KCNIP4: variants seen among roughly 807,000 people sequenced by gnomAD.
KCNIP4 encodes the protein potassium voltage-gated channel interacting protein 4, also known as Kv channel-interacting protein 4.
KCNIP4 carries 12 observed loss-of-function variants against 34.0 expected under a neutral mutation model. That is an observed-to-expected ratio of 0.35 (90% CI 0.23 to 0.57). KCNIP4 has a LOEUF of 0.57. Ranked by LOEUF, KCNIP4 falls within the 20% of genes least tolerant of loss-of-function variation. KCNIP4 has a pLI of 0.83. For missense variants in KCNIP4, 238 were observed against 311.7 expected (o/e 0.76, Z 1.78); for synonymous variants, 124 against 102.2 (o/e 1.21, Z -1.29).
At chr4:21,468,198 A>G (rs1730156506) in intron 1 of KCNIP4, among the ~76,000 whole-genome samples, 1 of 152,202 alleles carries the variant, frequency 6.6e-6, no homozygotes. Flanking sequence ...ACTAGGATGA[A>G]GGAGAATGAT....
rs1738255158 is a variant in KCNIP4, at chr4:21,547,747, T to C, written c.61+400824A>G. Among the ~76,000 whole-genome samples the C allele has an allele frequency of 2.0e-5, 3 of 152,224 alleles. No individual in the cohort carries two copies. In the South Asian group the frequency reaches 6.2e-4, roughly 32 times the overall value. On this transcript the variant is annotated intron_variant, in intron 1 of 8. Coordinates refer to ENST00000382152, the MANE Select transcript of KCNIP4 (RefSeq NM_025221.6). Reference sequence around the variant, plus strand: ...TTTTAGATTTCAGATTTTTTTTGGATTTTGGAATATTTGCATACGTATTTG... The same window carrying C: ...TTTTAGATTTCAGATTTTTTTTGGACTTTGGAATATTTGCATACGTATTTG...
chr4:21,322,640 T>C (rs1038091605), intron 1 of KCNIP4, among the ~76,000 whole-genome samples: 39 of 152,216 alleles, frequency 2.6e-4, no homozygotes, highest in African/African-American at 9.1e-4. Flanking sequence ...TTCTACTGTA[T>C]AAATGGTGAC....
chr4:21,287,619 C>A (rs752546827), intron 1 of KCNIP4, among the ~76,000 whole-genome samples: 10 of 152,136 alleles, frequency 6.6e-5, no homozygotes, highest in African/African-American at 2.2e-4. Flanking sequence ...TAGTTACTTA[C>A]GTAAGGAAGT....
At chr4:21,865,478 G>A (rs1725358317) in intron 1 of KCNIP4, among the ~76,000 whole-genome samples, 2 of 152,088 alleles carry the variant, frequency 1.3e-5, no homozygotes, top group African/African-American at 4.8e-5. Flanking sequence ...TCATAATGTT[G>A]TACTGATTTC....
intron 2 of KCNIP4, among the ~76,000 whole-genome samples, chr4:20,881,865 C>T (rs967833140): frequency 1.3e-5 from 2 of 152,142 alleles, no homozygotes; most frequent in African/African-American, 4.8e-5. Flanking sequence ...TCAGTTGAGG[C>T]TTCCTGAAGA....
chr4:21,215,037 G>A (rs1238918499), intron 1 of KCNIP4, among the ~76,000 whole-genome samples: 5 of 152,098 alleles, frequency 3.3e-5, no homozygotes, highest in Admixed American at 1.3e-4. Flanking sequence ...CTACTGAATC[G>A]TAACAGCACT....
intron 1 of KCNIP4, among the ~76,000 whole-genome samples, chr4:21,803,935 A>T (rs1478185480): frequency 6.6e-6 from 1 of 152,212 alleles, no homozygotes; most frequent in African/African-American, 2.4e-5. Context: ...GATCACGGGG[A>T]ATAGATCAGC....
intron 1 of KCNIP4, among the ~76,000 whole-genome samples, chr4:21,647,863 C>CTTTTTTTTTTTTT (rs10539950): frequency 3.3e-5 from 2 of 60,178 alleles, no homozygotes; most frequent in African/African-American, 2.0e-4. Flanking sequence ...TACAATGATG[C>CTTTTTTTTTTTTT]TTTTTTTTTT....
chr4:21,865,127 T>A (rs1469327022), intron 1 of KCNIP4, among the ~76,000 whole-genome samples: 3 of 151,830 alleles, frequency 2.0e-5, no homozygotes, highest in South Asian at 2.1e-4. Context: ...AGTCAAATTT[T>A]AAAAAAAAGC....
chr4:21,237,910 G>C (rs1294869540), intron 1 of KCNIP4, among the ~76,000 whole-genome samples: 1 of 152,124 alleles, frequency 6.6e-6, no homozygotes, highest in Non-Finnish European at 1.5e-5. Context: ...ACCAAAGCCT[G>C]GCAGAGATAC....
chr4:21,884,842 T>C lies in KCNIP4; in HGVS notation c.61+63729A>G, dbSNP rs138607975. Among the ~76,000 whole-genome samples, 1,159 of 152,186 alleles carry C rather than the reference T, an allele frequency of 7.6e-3. 4 individuals carry two copies. The highest frequency in any genetic ancestry group is 0.011 in the Non-Finnish European group (780 of 67,990). ...TGATGTCACCACCACAGTCACTGCC[T>C]TCCCTCTTCCTGAAACTCTCTACCA... On this transcript the variant is annotated intron_variant, in intron 1 of 8. Coordinates refer to ENST00000382152, the MANE Select transcript of KCNIP4 (RefSeq NM_025221.6).
At chr4:21,935,337 T>C (rs374484771) in intron 1 of KCNIP4, among the ~76,000 whole-genome samples, 1 of 152,108 alleles carries the variant, frequency 6.6e-6, no homozygotes, top group African/African-American at 2.4e-5. Flanking sequence ...TCACTTTGAT[T>C]ATGCCATTAT....
chr4:21,569,418 T>C (rs760347015), intron 1 of KCNIP4, among the ~76,000 whole-genome samples: 29 of 151,822 alleles, frequency 1.9e-4, no homozygotes, highest in Admixed American at 3.9e-4. Context: ...ATAAAGAAAG[T>C]ACAGAACTTT....
intron 1 of KCNIP4, among the ~76,000 whole-genome samples, chr4:21,141,581 T>G (rs999185540): frequency 3.3e-5 from 5 of 152,192 alleles, no homozygotes; most frequent in Non-Finnish European, 7.4e-5. Context: ...TGATTTTATG[T>G]AGAAACATGT....
At chr4:21,863,871 A>G (rs1279202124) in intron 1 of KCNIP4, among the ~76,000 whole-genome samples, 2 of 152,208 alleles carry the variant, frequency 1.3e-5, no homozygotes, top group Non-Finnish European at 2.9e-5. Context: ...AGGATTATCT[A>G]TTATATGTGA....
chr4:20,823,409 T>C (rs1315972773), intron 3 of KCNIP4, among the ~76,000 whole-genome samples: 2 of 152,110 alleles, frequency 1.3e-5, no homozygotes, highest in Non-Finnish European at 2.9e-5. Flanking sequence ...GATCATGTTA[T>C]GGAGTGAATG....
intron 1 of KCNIP4, among the ~76,000 whole-genome samples, chr4:21,077,216 A>G (rs756865609): frequency 9.9e-5 from 15 of 152,238 alleles, no homozygotes; most frequent in Non-Finnish European, 2.1e-4. Flanking sequence ...GTTGTCATCA[A>G]CCATTTGGTA....
intron 1 of KCNIP4, among the ~76,000 whole-genome samples, chr4:21,040,899 T>G (rs1313227300): frequency 6.6e-6 from 1 of 151,814 alleles, no homozygotes; most frequent in East Asian, 1.9e-4. Context: ...ATTACATTAT[T>G]TTGGTTAACT....
In KCNIP4 at chr4:20,729,462, GATA is replaced by G. The variant is rs75646296; in HGVS notation, c.*617_*619del. 8.7e-4 allele frequency: 116 copies of G among 132,842 alleles called. No individual in the cohort carries two copies. The highest frequency in any genetic ancestry group is 4.3e-3 in the Middle Eastern group (1 of 230). 8.2% of individuals were successfully genotyped at this position (132,842 alleles called of 1,614,324 possible). ...TTTTATTAGGCATATGCTGATATCT[GATA>G]ATAAACTAATTTTTAAATGTTTAAT... On this transcript the variant is annotated 3_prime_UTR_variant, in exon 9 of 9. Transcript: ENST00000382152.
Sources: gnomAD v4.1 joint callset for allele counts (sites outside exome capture counted in the v4.1 genomes callset) on GRCh38, gnomAD v4.1.1 for gene constraint, MANE v1.5 for transcripts, NCBI Gene and HGNC (gene_info 2026-07-23, HGNC 2026-07-21) for gene names.